The following RNF6 variants were observed in gnomAD, a reference collection of about 807,000 sequenced individuals.
RNF6 encodes E3 ubiquitin-protein ligase RNF6.
In RNF6, 21 loss-of-function variants were observed where a neutral mutation model predicts 50.1. The ratio of observed to expected loss-of-function variants is 0.42; its 90% CI spans 0.30 to 0.60. The LOEUF is 0.60. RNF6 is among the 20% of genes least tolerant of loss of function. The pLI, the probability that RNF6 is intolerant of heterozygous loss-of-function variation, is 0.20. For synonymous variants in RNF6, 255 were observed against 291.8 expected (o/e 0.87, Z 1.29); for missense variants, 698 against 838.2 (o/e 0.83, Z 2.07).
At chr13:26,182,774 C>T (rs1377468853) in intron 5 of RNF6, among the ~76,000 whole-genome samples, 1 of 151,846 alleles carries the variant, frequency 6.6e-6, no homozygotes, top group Non-Finnish European at 1.5e-5. Context: ...CACTGCAGGC[C>T]AATTTGGGTA....
At chr13:26,153,779 G>A (rs191230822) in intron 5 of RNF6, among the ~76,000 whole-genome samples, 19 of 151,240 alleles carry the variant, frequency 1.3e-4, no homozygotes, top group African/African-American at 4.4e-4. Context: ...TTTTGGAGGT[G>A]CCATAAAATG....
At chr13:26,186,458 C>T (rs1241534180) in intron 5 of RNF6, among the ~76,000 whole-genome samples, 1 of 152,218 alleles carries the variant, frequency 6.6e-6, no homozygotes, top group African/African-American at 2.4e-5. Flanking sequence ...GGCACGTGGG[C>T]CCCGCAGCCA....
intron 5 of RNF6, among the ~76,000 whole-genome samples, chr13:26,169,370 C>T (rs9512137): frequency 0.74 from 113,013 of 151,806 alleles, 42,332 homozygotes; most frequent in East Asian, 0.8. Flanking sequence ...GGGAGATCCA[C>T]CTGAGAGTGT....
chr13:26,208,974 A>C (rs1184759172), downstream of RNF6, among the ~76,000 whole-genome samples: 1 of 152,218 alleles, frequency 6.6e-6, no homozygotes, highest in Non-Finnish European at 1.5e-5. Flanking sequence ...ACAAACCAAC[A>C]AAAGACCTAA....
At chr13:26,215,703 G>C (rs1168692882) in intron 4 of RNF6, 111 bp from the exon 5 acceptor site, 1 of 918,294 alleles carries the variant, frequency 1.1e-6, no homozygotes, top group Non-Finnish European at 1.6e-6. Context: ...AACATCTGTG[G>C]ATTTTAATGA....
intron 5 of RNF6, among the ~76,000 whole-genome samples, chr13:26,166,726 C>T (rs139515136): frequency 6.6e-6 from 1 of 152,248 alleles, no homozygotes; most frequent in East Asian, 1.9e-4. Flanking sequence ...TCAAGACCAA[C>T]CTGGGCAACA....
At chr13:26,198,355 AG>A (rs908621161) in intron 5 of RNF6, among the ~76,000 whole-genome samples, 20 of 151,898 alleles carry the variant, frequency 1.3e-4, no homozygotes, top group Admixed American at 6.6e-4. Flanking sequence ...TGATTGGATG[AG>A]GCCTGCCCAC....
intron 5 of RNF6, among the ~76,000 whole-genome samples, chr13:26,172,546 CTTT>C (rs56159536): frequency 1.8e-3 from 265 of 143,496 alleles, no homozygotes; most frequent in African/African-American, 2.6e-3. Context: ...TAGAATATAT[CTTT>C]TTTTTTTTTT....
chr13:26,207,315 A>G (rs536869622), intron 5 of RNF6, among the ~76,000 whole-genome samples: 65 of 152,312 alleles, frequency 4.3e-4, no homozygotes, highest in African/African-American at 1.5e-3. Context: ...AGATAGGCAG[A>G]AGCCAAAATA....
intron 5 of RNF6, among the ~76,000 whole-genome samples, chr13:26,183,601 G>T (rs1873342136): frequency 6.6e-6 from 1 of 152,134 alleles, no homozygotes; most frequent in African/African-American, 2.4e-5. Flanking sequence ...AGCTTAAACA[G>T]ATTCTGAAAC....
At chr13:26,141,518 G>A (rs1870951022) in intron 5 of RNF6, among the ~76,000 whole-genome samples, 1 of 151,786 alleles carries the variant, frequency 6.6e-6, no homozygotes, top group Admixed American at 6.6e-5. Flanking sequence ...GTGTGGTACT[G>A]GTACAAAAGG....
chr13:26,136,600 C>T (rs1360668561), intron 5 of RNF6, among the ~76,000 whole-genome samples: 6 of 152,176 alleles, frequency 3.9e-5, no homozygotes, highest in Non-Finnish European at 8.8e-5. Flanking sequence ...AAATCGTTCA[C>T]GGAAGTTTAT....
At chr13:26,150,186 G>A (rs185237462) in intron 5 of RNF6, among the ~76,000 whole-genome samples, 4 of 151,740 alleles carry the variant, frequency 2.6e-5, no homozygotes, top group Admixed American at 1.3e-4. Context: ...TTTGTTAAAC[G>A]CACAATGAGC....
chr13:26,213,856 C>T lies in RNF6; in HGVS notation c.2026G>A (p.Val676Ile), dbSNP rs1215897468. ...NCTCPICRQP[V>I]LGSNIANNG is the part of the protein sequence containing the mutation. Reference sequence around the variant, plus strand: ...TTGTTTGCTATGTTAGACCCTAAAACAGGCTGCCGACAGATCGGACAAGTG... The same window carrying T: ...TTGTTTGCTATGTTAGACCCTAAAATAGGCTGCCGACAGATCGGACAAGTG... The change falls in exon 5 of 5, where the codon GTT becomes ATT. Residue 676 changes from valine to isoleucine, a missense_variant. Coordinates refer to ENST00000381588, the MANE Select transcript of RNF6 (RefSeq NM_005977.4). The T allele has an allele frequency of 6.2e-7, 1 of 1,612,868 alleles. No individual in the cohort carries two copies. The highest frequency in any genetic ancestry group is 8.5e-7 in the Non-Finnish European group (1 of 1,179,178).
At chr13:26,152,823 G>A (rs17083327) in intron 5 of RNF6, among the ~76,000 whole-genome samples, 5,970 of 152,178 alleles carry the variant, frequency 0.039, 164 homozygotes, top group African/African-American at 0.073. Context: ...TATAGCATTT[G>A]GTGAAGTTTG....
chr13:26,201,299 C>A (rs149946835), intron 5 of RNF6, among the ~76,000 whole-genome samples: 3 of 152,284 alleles, frequency 2.0e-5, no homozygotes, highest in Non-Finnish European at 4.4e-5. Context: ...TACCACATGA[C>A]CCATGGGAGC....
chr13:26,162,471 ACT>A (rs967729748), intron 5 of RNF6, among the ~76,000 whole-genome samples: 5 of 152,134 alleles, frequency 3.3e-5, no homozygotes, highest in African/African-American at 1.2e-4. Context: ...AGTACAGTAA[ACT>A]CTGTCTCCCA....
At chr13:26,180,713 T>C (rs1288356944) in intron 5 of RNF6, among the ~76,000 whole-genome samples, 1 of 152,234 alleles carries the variant, frequency 6.6e-6, no homozygotes, top group Non-Finnish European at 1.5e-5. Context: ...TTGATGGCTA[T>C]TGGGACGTCC....
chr13:26,151,693 TTG>T (rs1871609168), intron 5 of RNF6, among the ~76,000 whole-genome samples: 1 of 151,660 alleles, frequency 6.6e-6, no homozygotes, highest in South Asian at 2.1e-4. Flanking sequence ...TAAGAATTAG[TTG>T]TGGCTAGTGC....
Sources: allele counts gnomAD v4.1 joint callset (sites outside exome capture counted in the v4.1 genomes callset), GRCh38; gene constraint gnomAD v4.1.1; transcripts MANE v1.5; gene names NCBI Gene and HGNC (gene_info 2026-07-23, HGNC 2026-07-21).